The following KIF13A variants were observed in gnomAD, a reference collection of about 807,000 sequenced individuals.
KIF13A encodes kinesin-like protein KIF13A.
KIF13A carries 79 observed loss-of-function variants against 212.2 expected under a neutral mutation model. The observed-to-expected ratio is 0.37, with a 90% CI of 0.31 to 0.45. KIF13A has a LOEUF of 0.45. Ranked by LOEUF, KIF13A falls within the 20% of genes least tolerant of loss-of-function variation. KIF13A has a pLI of 1.00. For missense variants in KIF13A, 1,901 were observed against 2,209.0 expected, an observed-to-expected ratio of 0.86 and a Z score of 2.79; for synonymous variants, 789 against 808.6, an observed-to-expected ratio of 0.98 and a Z score of 0.41.
Position 17,799,458 on chromosome 6 carries a change from C to T in KIF13A, c.2617-19G>A. 2 of 1,488,446 alleles carry T rather than the reference C, an allele frequency of 1.3e-6. No individual in the cohort carries two copies. The highest frequency in any genetic ancestry group is 1.8e-6 in the Non-Finnish European group (2 of 1,111,992). 92.2% of individuals were successfully genotyped at this position (1,488,446 alleles called of 1,614,324 possible). A position where few individuals can be genotyped will look rare whatever the true frequency, so the allele number is the denominator to read the frequency against. On this transcript the variant is annotated intron_variant, in intron 21 of 38. Coordinates refer to ENST00000259711, the MANE Select transcript of KIF13A (RefSeq NM_022113.6). This position sits in a 1 kb window ranked among gnomAD's most constrained non-coding sequence, Gnocchi z 4.4. Reference sequence around the variant, plus strand: ...TTTTTACCTGAAGAGATAAACAATACAAATAAAACTCCAATGAACACTAAA... The same window carrying T: ...TTTTTACCTGAAGAGATAAACAATATAAATAAAACTCCAATGAACACTAAA...
chr6:17,760,728 A>C, downstream of KIF13A: 3 of 916,290 alleles, frequency 3.3e-6, no homozygotes. Context: ...CACGGTGTGG[A>C]TTCTCCAGCT....
chr6:17,808,911 T>C lies in KIF13A; in HGVS notation c.2020A>G (p.Ser674Gly). 6.2e-7 allele frequency: 1 copy of C among 1,612,612 alleles called. No homozygotes were observed. Among genetic ancestry groups the C allele is most frequent in the South Asian group, 1.1e-5 (1 of 90,770 alleles). Residue 674 changes from serine to glycine, a missense_variant, in exon 18 of 39, where the codon AGC becomes GGC. Around this residue, in one of 5 missense-constraint regions of KIF13A, gnomAD observed 534 missense variants for 536.9 expected, o/e 0.99. Coordinates refer to ENST00000259711, the MANE Select transcript of KIF13A (RefSeq NM_022113.6). Reference protein sequence around the residue: ...AEERDELFRQSLAKLREQLVK... With the variant: ...AEERDELFRQGLAKLREQLVK... Reference sequence around the variant, plus strand: ...AGCTGCTCTCGCAGTTTTGCCAGGCTTTGTCGGAAGAGTTCATCCCTGCAG... The same window carrying C: ...AGCTGCTCTCGCAGTTTTGCCAGGCCTTGTCGGAAGAGTTCATCCCTGCAG...
At chr6:17,985,715 A>G (rs1245761640) in intron 2 of KIF13A, among the ~76,000 whole-genome samples, 1 of 150,636 alleles carries the variant, frequency 6.6e-6, no homozygotes, top group Non-Finnish European at 1.5e-5. Flanking sequence ...CAATGAGTTT[A>G]CTTACTATCA....
Position 17,842,409 on chromosome 6 carries a change from C to A in KIF13A, c.831-4826G>T, listed in dbSNP as rs114465544. Among the ~76,000 whole-genome samples the A allele has an allele frequency of 3.5e-3, 532 of 152,198 alleles. 4 individuals carry two copies. Among genetic ancestry groups the A allele is most frequent in the African/African-American group, 0.012 (479 of 41,514 alleles). ...CAGGGAACTTAAAAATATAAAAAAACCACTAAGTATTGATCCTGCTAATAC... is the reference window on the plus strand; with the variant it reads ...CAGGGAACTTAAAAATATAAAAAAAACACTAAGTATTGATCCTGCTAATAC... On this transcript the variant is annotated intron_variant, in intron 9 of 38. Coordinates refer to ENST00000259711, the MANE Select transcript of KIF13A (RefSeq NM_022113.6).
In KIF13A at chr6:17,891,075, CCT is replaced by C. The variant is rs1189244460; in HGVS notation, c.159+7091_159+7092del. Among the ~76,000 whole-genome samples the C allele has an allele frequency of 5.9e-5, 9 of 152,234 alleles. 1 individual carries two copies. Among genetic ancestry groups the C allele is most frequent in the Admixed American group, 4.6e-4 (7 of 15,288 alleles). On this transcript the variant is annotated intron_variant, in intron 3 of 38. Transcript: ENST00000259711. ...CAATCCTACAAATTATGAGACAAAG[CCT>C]CTTTTTTCCCCCTGTAAACTACAGA...
intron 3 of KIF13A, among the ~76,000 whole-genome samples, chr6:17,881,226 A>C (rs1432531773): frequency 6.6e-6 from 1 of 152,158 alleles, no homozygotes; most frequent in Non-Finnish European, 1.5e-5. Flanking sequence ...CTCCACCTTT[A>C]TCAGGCTCTT....
intron 3 of KIF13A, among the ~76,000 whole-genome samples, chr6:17,889,030 G>A (rs1482817741): frequency 6.6e-6 from 1 of 152,088 alleles, no homozygotes; most frequent in African/African-American, 2.4e-5. Context: ...CTACTGTACT[G>A]AATAGTACAG....
At position 17,777,203 on chromosome 6, in the gene KIF13A, T is replaced by TGGCAGTA; in HGVS notation, c.4170+73_4170+74insTACTGCC. The TGGCAGTA allele has an allele frequency of 8.3e-7, 1 of 1,200,516 alleles. No individual in the cohort carries two copies. The highest frequency in any genetic ancestry group is 1.3e-5 in the South Asian group (1 of 77,504). The allele number at this position is 1,200,516 out of a possible 1,614,324, so 74.4% of individuals were successfully genotyped here. On this transcript the variant is annotated intron_variant, in intron 34 of 38. Coordinates refer to ENST00000259711, the MANE Select transcript of KIF13A (RefSeq NM_022113.6). This position sits in a 1 kb window ranked among gnomAD's most constrained non-coding sequence, Gnocchi z 4.4. ...TTCCATAAGCTCTACTGCCACTGTG[T>TGGCAGTA]GAATCCCACCTTCCCCCACCCCAGA...
downstream of KIF13A, chr6:17,759,783 A>G (rs1041825098): frequency 1.3e-5 from 2 of 152,254 alleles, no homozygotes; most frequent in African/African-American, 4.8e-5. Flanking sequence ...CAAAATAACA[A>G]CAGCAAAACC....
At chr6:17,831,034 C>T (rs1344631320) in intron 13 of KIF13A, 67 bp downstream of exon 13, 2 of 1,459,968 alleles carry the variant, frequency 1.4e-6, no homozygotes, top group Non-Finnish European at 1.9e-6. Flanking sequence ...GAGACAGGCA[C>T]CCAGATTCAA....
intron 2 of KIF13A, among the ~76,000 whole-genome samples, chr6:17,977,615 T>G (rs1210474172): frequency 2.0e-5 from 3 of 152,130 alleles, no homozygotes; most frequent in Non-Finnish European, 4.4e-5. Context: ...AAAACACAAT[T>G]GCAACAGCAA....
Position 17,907,033 on chromosome 6 carries a change from T to C in KIF13A, c.147-8853A>G, listed in dbSNP as rs530962960. Among the ~76,000 whole-genome samples the C allele has an allele frequency of 7.9e-5, 12 of 152,312 alleles. No homozygotes were observed. In the South Asian group the frequency reaches 2.5e-3, roughly 32 times the overall value. ...GGTTGTAAATTCTAACCTGGTCATA[T>C]AGTATATGTCTGTGAATTGAAATGG... On this transcript the variant is annotated intron_variant, in intron 2 of 38. Coordinates refer to ENST00000259711, the MANE Select transcript of KIF13A (RefSeq NM_022113.6).
chr6:17,804,685 C>A (rs756106540), intron 19 of KIF13A, among the ~76,000 whole-genome samples, 175 bp from the exon 20 acceptor site: 3 of 151,468 alleles, frequency 2.0e-5, no homozygotes, highest in African/African-American at 7.3e-5. Flanking sequence ...TGGTGGCGCA[C>A]GCCTGTGGTC....
intron 16 of KIF13A, chr6:17,821,800 T>C: frequency 6.5e-7 from 1 of 1,535,356 alleles, no homozygotes; most frequent in Non-Finnish European, 8.7e-7. Flanking sequence ...ATCCCAGTGT[T>C]TGTGGAGGAG....
At chr6:17,864,458 G>A (rs1271974619) in intron 4 of KIF13A, among the ~76,000 whole-genome samples, 2 of 152,150 alleles carry the variant, frequency 1.3e-5, no homozygotes, top group Non-Finnish European at 2.9e-5. Context: ...ACAGACCTGA[G>A]TCACCCAACC....
intron 9 of KIF13A, among the ~76,000 whole-genome samples, chr6:17,848,582 T>G (rs1304221294): frequency 1.4e-5 from 2 of 147,300 alleles, no homozygotes; most frequent in Non-Finnish European, 3.0e-5. Flanking sequence ...TTTTTTTTTT[T>G]TGAGACAGAG....
At chr6:17,805,409 T>TGTGTG (rs1762860133) in intron 19 of KIF13A, 66 bp downstream of exon 19, 1 of 928,160 alleles carries the variant, frequency 1.1e-6, no homozygotes. Context: ...GTGTGTGTGT[T>TGTGTG]GCTAAATCGC....
intron 4 of KIF13A, among the ~76,000 whole-genome samples, chr6:17,862,908 A>G (rs1768963767): frequency 6.6e-6 from 1 of 152,176 alleles, no homozygotes; most frequent in Non-Finnish European, 1.5e-5. Flanking sequence ...AAATCGCGCC[A>G]CTGCACTCCA....
chr6:17,798,717 G>C (rs2150330255), intron 22 of KIF13A, among the ~76,000 whole-genome samples: 1 of 152,244 alleles, frequency 6.6e-6, no homozygotes, highest in Admixed American at 6.6e-5. Flanking sequence ...TGTCTCAAAG[G>C]AGATCCAACC....
Sources: gnomAD v4.1 joint callset for allele counts (sites outside exome capture counted in the v4.1 genomes callset) on GRCh38, gnomAD v4.1.1 for gene constraint, gnomAD v4.1.1 regional missense constraint, Gnocchi (gnomAD v3.1) non-coding constraint, MANE v1.5 for transcripts, NCBI Gene and HGNC (gene_info 2026-07-23, HGNC 2026-07-21) for gene names.